HDAC4: variants seen among roughly 807,000 people sequenced by gnomAD.
The protein encoded by HDAC4 is histone deacetylase A.
A neutral mutation model predicts 135.1 loss-of-function variants in HDAC4; 16 were observed. That is an observed-to-expected ratio of 0.12 (90% CI 0.08 to 0.18). The LOEUF (loss-of-function observed/expected upper bound fraction) is 0.18. Among genes scored for constraint, HDAC4 ranks in the 10% least tolerant of loss-of-function variants. The probability of loss-of-function intolerance (pLI) is 1.00; values close to 1 mark genes in which losing one functional copy is unlikely to be tolerated. For missense variants in HDAC4, 1,143 were observed against 1,511.8 expected (o/e 0.76, Z 4.05); for synonymous variants, 685 against 653.4 (o/e 1.05, Z -0.74).
intron 19 of HDAC4, among the ~76,000 whole-genome samples, chr2:239,084,664 A>G (rs2152697871): frequency 6.7e-6 from 1 of 148,994 alleles, no homozygotes; most frequent in Admixed American, 6.6e-5. Context: ...AGACACACAC[A>G]CCACAGAGAC....
intron 2 of HDAC4, among the ~76,000 whole-genome samples, chr2:239,305,757 G>A (rs530723378): frequency 7.2e-5 from 11 of 152,152 alleles, no homozygotes; most frequent in East Asian, 1.9e-4. Flanking sequence ...GCCACGAAAC[G>A]TGTATTTCGA....
chr2:239,117,772 T>G (rs2039276239), intron 12 of HDAC4, among the ~76,000 whole-genome samples: 1 of 152,044 alleles, frequency 6.6e-6, no homozygotes, highest in African/African-American at 2.4e-5. Flanking sequence ...GGGAACGGCC[T>G]GAAGGGCAGA....
rs2033798019 is a variant in HDAC4 at position 239,068,382 on chromosome 2, G to A, written c.2869+107C>T. 2 of 819,602 alleles carry A rather than the reference G, an allele frequency of 2.4e-6. No homozygotes were observed. Among genetic ancestry groups the A allele is most frequent in the South Asian group, 1.5e-5 (1 of 68,598 alleles). The allele number at this position is 819,602 out of a possible 1,614,324, so 50.8% of individuals were successfully genotyped here. A position where few individuals can be genotyped will look rare whatever the true frequency, so the allele number is the denominator to read the frequency against. On this transcript the variant is annotated intron_variant, in intron 23 of 26. Transcript: ENST00000543185. The surrounding 1 kb of genome is among the most constrained non-coding windows in gnomAD (Gnocchi z 4.4). ...TCAGAACCTTGGTCATTAGTAAAAA[G>A]GTGCCCTTCCTTATCTCGTTATTAA...
At chr2:239,150,514 A>C (rs148219713) in intron 7 of HDAC4, among the ~76,000 whole-genome samples, 30 of 152,296 alleles carry the variant, frequency 2.0e-4, no homozygotes, top group Non-Finnish European at 4.0e-4. Flanking sequence ...ACACAGGTAC[A>C]TAAACACAGA....
chr2:239,329,342 C>T (rs1331059651), intron 2 of HDAC4, among the ~76,000 whole-genome samples: 1 of 152,250 alleles, frequency 6.6e-6, no homozygotes, highest in Non-Finnish European at 1.5e-5. Context: ...TTTACCATCA[C>T]TCATCACCAA....
At chr2:239,123,385 T>G (rs2039863315) in intron 12 of HDAC4, among the ~76,000 whole-genome samples, 2 of 148,882 alleles carry the variant, frequency 1.3e-5, no homozygotes, top group East Asian at 2.0e-4. Context: ...GGCTTGGGGG[T>G]GGAGGGGCAT....
chr2:239,239,348 A>T (rs1009791870), intron 2 of HDAC4, among the ~76,000 whole-genome samples: 10 of 152,350 alleles, frequency 6.6e-5, no homozygotes, highest in African/African-American at 2.4e-4. Flanking sequence ...AAACAGTAAC[A>T]TGAAGGCAGG....
rs187664656 is a variant in HDAC4 at position 239,263,446 on chromosome 2, G to A, written c.23-26782C>T. Among the ~76,000 whole-genome samples, 14 of 152,130 alleles carry A rather than the reference G, an allele frequency of 9.2e-5. No homozygotes were observed. In the East Asian group the frequency reaches 2.3e-3, roughly 25 times the overall value. ...AGCTTCCCCCTCGGAGCTGCCCCAT[G>A]GGCCTCACTGCACAGGTGTGGAGGC... is the stretch of plus-strand genomic sequence containing the variant. On this transcript the variant is annotated intron_variant, in intron 2 of 26. Transcript: ENST00000543185.
At position 239,306,199 on chromosome 2, in the gene HDAC4, T is replaced by C. The variant is rs2052571976; in HGVS notation, c.22+46479A>G. On this transcript the variant is annotated intron_variant, in intron 2 of 26. Transcript: ENST00000543185. This position sits in a 1 kb window ranked among gnomAD's most constrained non-coding sequence, Gnocchi z 4.5. ...TTCCCTGGGAAGTCATTTTCCTGAA[T>C]AGATCTGACTTCCACTTATTTTCCT... Among the ~76,000 whole-genome samples, 1 of 152,332 alleles carries C rather than the reference T, an allele frequency of 6.6e-6. No homozygotes were observed. The highest frequency in any genetic ancestry group is 1.9e-4 in the East Asian group (1 of 5,190).
chr2:239,379,672 T>A (rs1046164077), intron 1 of HDAC4, among the ~76,000 whole-genome samples: 2 of 152,122 alleles, frequency 1.3e-5, no homozygotes, highest in Non-Finnish European at 1.5e-5. Flanking sequence ...AGAGCCAGCC[T>A]GGGCACCATT....
intron 3 of HDAC4, among the ~76,000 whole-genome samples, chr2:239,213,400 G>A (rs560857823): frequency 3.3e-5 from 5 of 152,310 alleles, no homozygotes; most frequent in East Asian, 1.9e-4. Flanking sequence ...TTCCCTGCTC[G>A]CTGAAGACTG....
At chr2:239,346,156 CAACACACACTGTCTAA>C (rs1692645935) in intron 2 of HDAC4, among the ~76,000 whole-genome samples, 1 of 150,824 alleles carries the variant, frequency 6.6e-6, no homozygotes, top group South Asian at 2.1e-4. Flanking sequence ...TGCACTCACC[CAACACACACTGTCTAA>C]AACACACACA....
chr2:239,332,842 A>C (rs1278604167), intron 2 of HDAC4, among the ~76,000 whole-genome samples: 1 of 152,058 alleles, frequency 6.6e-6, no homozygotes, highest in Non-Finnish European at 1.5e-5. Context: ...TGAAGGAAAA[A>C]TGAGAGAACA....
chr2:239,379,134 C>T (rs62180883), intron 1 of HDAC4, among the ~76,000 whole-genome samples: 1 of 152,000 alleles, frequency 6.6e-6, no homozygotes, highest in Admixed American at 6.5e-5. Flanking sequence ...GGGCAAGTCA[C>T]TCCAGGAAGG....
chr2:239,176,153 G>A (rs372183139), intron 5 of HDAC4, among the ~76,000 whole-genome samples: 3 of 151,832 alleles, frequency 2.0e-5, no homozygotes, highest in Admixed American at 1.3e-4. Context: ...CTCACCTTCC[G>A]GAGTCCATGC....
intron 2 of HDAC4, among the ~76,000 whole-genome samples, chr2:239,346,650 A>G (rs1174768706): frequency 6.7e-6 from 1 of 150,322 alleles, no homozygotes; most frequent in Non-Finnish European, 1.5e-5. Flanking sequence ...TAAAACACAC[A>G]CCCATATCTT....
chr2:239,311,868 C>T (rs1391297905), intron 2 of HDAC4, among the ~76,000 whole-genome samples: 7 of 152,078 alleles, frequency 4.6e-5, no homozygotes, highest in South Asian at 2.1e-4. Context: ...ACCTAAGAGG[C>T]CTTGGGCAGC....
intron 2 of HDAC4, among the ~76,000 whole-genome samples, chr2:239,323,926 C>G (rs2053393456): frequency 6.6e-6 from 1 of 152,120 alleles, no homozygotes; most frequent in Non-Finnish European, 1.5e-5. Flanking sequence ...AAAAAAGAAA[C>G]AGTGCAAATT....
chr2:239,075,197 C>T (rs2034613132), intron 22 of HDAC4, among the ~76,000 whole-genome samples: 1 of 129,356 alleles, frequency 7.7e-6, no homozygotes, highest in Non-Finnish European at 1.5e-5. Flanking sequence ...GCACTCCAGC[C>T]TGGGCGACAG....
Sources: gnomAD v4.1 joint callset for allele counts (sites outside exome capture counted in the v4.1 genomes callset) on GRCh38, gnomAD v4.1.1 for gene constraint, Gnocchi (gnomAD v3.1) non-coding constraint, MANE v1.5 for transcripts, NCBI Gene and HGNC (gene_info 2026-07-23, HGNC 2026-07-21) for gene names.